Variants in RGPD5 observed in about 807,000 individuals in gnomAD.
The protein encoded by RGPD5 is RANBP2-like and GRIP domain-containing protein 5/6.
the RGPD5 span, among the ~76,000 whole-genome samples, chr2:109,765,395 A>T: frequency 1.9e-4 from 28 of 150,394 alleles, 1 homozygote; most frequent in African/African-American, 2.2e-4. Context: ...TCTTTTTTTT[A>T]AAATTTCCCA....
intron 1 of RGPD5, chr2:109,794,780 C>T (rs2106588880): frequency 2.6e-5 from 2 of 76,462 alleles, no homozygotes; most frequent in Non-Finnish European, 3.3e-5. Context: ...GGCGGGAGAC[C>T]GTTGGCGCCG....
the RGPD5 span, among the ~76,000 whole-genome samples, chr2:109,762,997 T>C: frequency 1.4e-5 from 2 of 147,420 alleles, 1 homozygote; most frequent in African/African-American, 5.0e-5. Context: ...TTTTTAAGTT[T>C]ATGGTTACTT....
chr2:109,762,360 A>G, the RGPD5 span, among the ~76,000 whole-genome samples: 6 of 150,388 alleles, frequency 4.0e-5, no homozygotes, highest in African/African-American at 1.5e-4. Flanking sequence ...CGCAAATTCA[A>G]TAGCTTTCCA....
chr2:109,765,256 AC>A, the RGPD5 span, among the ~76,000 whole-genome samples: 1 of 144,524 alleles, frequency 6.9e-6, no homozygotes, highest in African/African-American at 2.6e-5. Flanking sequence ...AGTAACAAAT[AC>A]ACGTTTAACA....
chr2:109,777,033 AT>A, the RGPD5 span, among the ~76,000 whole-genome samples: 2 of 73,922 alleles, frequency 2.7e-5, no homozygotes, highest in African/African-American at 9.3e-5. Flanking sequence ...GTTGCTTTTA[AT>A]TTTTTTTTCT....
In RGPD5 at chr2:109,794,399, G is replaced by A. The variant is rs1187796776; in HGVS notation, c.-67G>A. The A allele has an allele frequency of 3.4e-5, 1 of 29,294 alleles. No homozygotes were observed. Among genetic ancestry groups the A allele is most frequent in the Non-Finnish European group, 3.9e-5 (1 of 25,776 alleles). The allele number at this position is 29,294 out of a possible 1,614,324, so 1.8% of individuals were successfully genotyped here. ...AGTGGCTTGCAGGCACTTTCCTCTTGGAAGTGGCGACTGCTGCGGGGCTGA... is the reference window on the plus strand; with the variant it reads ...AGTGGCTTGCAGGCACTTTCCTCTTAGAAGTGGCGACTGCTGCGGGGCTGA... On this transcript the variant is annotated 5_prime_UTR_variant, in exon 1 of 23. Transcript: ENST00000016946.
the RGPD5 span, among the ~76,000 whole-genome samples, chr2:109,763,786 C>T: frequency 6.7e-6 from 1 of 149,706 alleles, no homozygotes; most frequent in Non-Finnish European, 1.5e-5. Context: ...TATTTTAATC[C>T]CTAAGAACTT....
At chr2:109,763,785 C>A in the RGPD5 span, among the ~76,000 whole-genome samples, 1 of 149,984 alleles carries the variant, frequency 6.7e-6, no homozygotes. Context: ...TTATTTTAAT[C>A]CCTAAGAACT....
chr2:109,761,279 T>C, the RGPD5 span, among the ~76,000 whole-genome samples: 1 of 143,022 alleles, frequency 7.0e-6, no homozygotes, highest in Admixed American at 7.0e-5. Context: ...TCCCACCCAC[T>C]TCCACCGAGA....
chr2:109,761,356 C>G, the RGPD5 span, among the ~76,000 whole-genome samples: 1 of 151,170 alleles, frequency 6.6e-6, no homozygotes, highest in African/African-American at 2.4e-5. Context: ...AGGCCTTAGC[C>G]CAGGGAGACT....
intron 1 of RGPD5, 43 bp downstream of exon 1, chr2:109,794,580 CGG>C (rs781731278): frequency 1.1e-6 from 1 of 899,516 alleles, no homozygotes; most frequent in Non-Finnish European, 1.3e-6. Flanking sequence ...TCGACCCGGC[CGG>C]GGGGCGGCGG....
At chr2:109,767,488 A>C in the RGPD5 span, among the ~76,000 whole-genome samples, 1 of 136,078 alleles carries the variant, frequency 7.3e-6, no homozygotes, top group African/African-American at 2.7e-5. Flanking sequence ...TGTGGGTCTC[A>C]TTAAATTATG....
At chr2:109,765,738 C>G in the RGPD5 span, among the ~76,000 whole-genome samples, 1 of 150,980 alleles carries the variant, frequency 6.6e-6, no homozygotes, top group Non-Finnish European at 1.5e-5. Context: ...GGGAGGGATG[C>G]AGAGGCACTA....
chr2:109,766,119 A>G, the RGPD5 span, among the ~76,000 whole-genome samples: 1 of 150,488 alleles, frequency 6.6e-6, no homozygotes, highest in African/African-American at 2.4e-5. Flanking sequence ...CACTGGCCGA[A>G]GGTCACCGTG....
At chr2:109,799,255 A>G (rs1384858180) in intron 1 of RGPD5, among the ~76,000 whole-genome samples, 3 of 137,480 alleles carry the variant, frequency 2.2e-5, no homozygotes, top group African/African-American at 8.5e-5. Flanking sequence ...AAAAAAAAAA[A>G]GGAAGGGGGG....
At chr2:109,794,609 G>GGCGGCGGCGGCGGCGGCA in intron 1 of RGPD5, 72 bp downstream of exon 1, 1 of 106,844 alleles carries the variant, frequency 9.4e-6, no homozygotes, top group South Asian at 4.4e-4. Context: ...CGGCGGCGGC[G>GGCGGCGGCGGCGGCGGCA]GGGGGGGCGG....
At chr2:109,764,757 G>A in the RGPD5 span, among the ~76,000 whole-genome samples, 1 of 114,638 alleles carries the variant, frequency 8.7e-6, no homozygotes, top group Non-Finnish European at 1.7e-5. Flanking sequence ...TGAGAGTACA[G>A]GGAGACATCT....
At chr2:109,776,139 T>TTATACCTCGTGACTTTTA in the RGPD5 span, among the ~76,000 whole-genome samples, 1 of 141,622 alleles carries the variant, frequency 7.1e-6, no homozygotes, top group Non-Finnish European at 1.5e-5. Context: ...GGTTCACACT[T>TTATACCTCGTGACTTTTA]TATACCTCGT....
chr2:109,774,796 A>G, the RGPD5 span, among the ~76,000 whole-genome samples: 1 of 51,400 alleles, frequency 1.9e-5, no homozygotes, highest in South Asian at 8.9e-4. Context: ...CACTGCCTAT[A>G]TATTTTCTTG....
Sources: allele counts gnomAD v4.1 joint callset (sites outside exome capture counted in the v4.1 genomes callset), GRCh38; gene constraint gnomAD v4.1.1; transcripts MANE v1.5; gene names NCBI Gene and HGNC (gene_info 2026-07-23, HGNC 2026-07-21).